Variants in CCDC149 observed in about 807,000 individuals in gnomAD.
CCDC149 encodes the protein coiled-coil domain containing 149.
In CCDC149, 45 loss-of-function variants were observed where a neutral mutation model predicts 59.9. The observed-to-expected ratio is 0.75, with a 90% CI of 0.59 to 0.96. The LOEUF is 0.96. Among genes scored for constraint, CCDC149 ranks in the 40% least tolerant of loss-of-function variants. CCDC149 has a pLI of 0.00. For synonymous variants in CCDC149, 245 were observed against 260.6 expected, an observed-to-expected ratio of 0.94 and a Z score of 0.58; for missense variants, 584 against 664.7, an observed-to-expected ratio of 0.88 and a Z score of 1.33.
chr4:24,978,996 G>A (rs756780666), intron 1 of CCDC149, among the ~76,000 whole-genome samples: 1 of 152,202 alleles, frequency 6.6e-6, no homozygotes, highest in Non-Finnish European at 1.5e-5. Flanking sequence ...GAGAAGGACT[G>A]CATGCAAATG....
At chr4:24,873,146 A>T (rs1577434733) in intron 3 of CCDC149, among the ~76,000 whole-genome samples, 1 of 151,870 alleles carries the variant, frequency 6.6e-6, no homozygotes, top group East Asian at 2.0e-4. Flanking sequence ...ACAGAATGGT[A>T]TGTACCCACA....
At chr4:24,864,314 A>AATTATTCC (rs1368674227) in intron 3 of CCDC149, among the ~76,000 whole-genome samples, 1 of 152,154 alleles carries the variant, frequency 6.6e-6, no homozygotes, top group Non-Finnish European at 1.5e-5. Context: ...CAGTTTCCCT[A>AATTATTCC]ATTATTCCTG....
intron 7 of CCDC149, among the ~76,000 whole-genome samples, chr4:24,835,434 A>C (rs1716453511): frequency 6.6e-6 from 1 of 152,210 alleles, no homozygotes; most frequent in South Asian, 2.1e-4. Context: ...GGAAGAAAAG[A>C]GAGCCATGAT....
intron 1 of CCDC149, among the ~76,000 whole-genome samples, chr4:24,905,414 CGTGTGTGTGTGTGTGT>C (rs1163234474): frequency 1.3e-5 from 1 of 78,652 alleles, no homozygotes; most frequent in African/African-American, 4.7e-5. Flanking sequence ...TGCGTGCGTG[CGTGTGTGTGTGTGTGT>C]GTGTGTGTGT....
At chr4:24,927,330 A>G (rs1207287184) in intron 1 of CCDC149, among the ~76,000 whole-genome samples, 1 of 152,242 alleles carries the variant, frequency 6.6e-6, no homozygotes, top group East Asian at 1.9e-4. Context: ...ATCTTACGTT[A>G]TTAAAAAGAA....
At chr4:24,918,008 G>T (rs985527858), upstream of CCDC149, among the ~76,000 whole-genome samples, 1 of 151,874 alleles carries the variant, frequency 6.6e-6, no homozygotes, top group Non-Finnish European at 1.5e-5. Context: ...TCTCCTGCAG[G>T]CCAGAAGAGG....
At chr4:24,889,942 G>A (rs537022437) in intron 1 of CCDC149, among the ~76,000 whole-genome samples, 2 of 152,252 alleles carry the variant, frequency 1.3e-5, no homozygotes, top group Admixed American at 6.5e-5. Flanking sequence ...GAGGCAAAGG[G>A]GACCTGTAAT....
intron 1 of CCDC149, among the ~76,000 whole-genome samples, chr4:24,951,019 G>A (rs1291433701): frequency 6.6e-6 from 1 of 152,158 alleles, no homozygotes; most frequent in Admixed American, 6.6e-5. Flanking sequence ...ACCCCTTTAG[G>A]TTAAAAAGCA....
intron 12 of CCDC149, among the ~76,000 whole-genome samples, chr4:24,809,953 GC>G (rs1714488109): frequency 6.6e-6 from 1 of 152,178 alleles, no homozygotes; most frequent in East Asian, 1.9e-4. Flanking sequence ...TTCTGCTGGA[GC>G]CTTGTCACTT....
rs377438836 is a variant in CCDC149 at position 24,838,218 on chromosome 4, G to A, written c.427C>T (p.Arg143Ter). The A allele has an allele frequency of 3.7e-6, 6 of 1,614,004 alleles. No homozygotes were observed. Among genetic ancestry groups the A allele is most frequent in the Non-Finnish European group, 5.1e-6 (6 of 1,180,024 alleles). Reference sequence around the variant, plus strand: ...TCACGCTCATGGGCTGCAAAGTGTCGCACGCCGATTGCTTCGTCTCCGAGC... The same window carrying A: ...TCACGCTCATGGGCTGCAAAGTGTCACACGCCGATTGCTTCGTCTCCGAGC... Residue 143 changes from arginine to a stop codon, truncating the protein, a stop_gained, in exon 5 of 13, where the codon CGA becomes TGA. Coordinates refer to ENST00000635206, the MANE Select transcript of CCDC149 (RefSeq NM_001330643.2). LOFTEE classifies it high-confidence loss of function.
Position 24,808,572 on chromosome 4 carries a change from ACT to A in CCDC149, c.1438_1439del (p.Pro481HisfsTer7). On this transcript the variant is annotated frameshift_variant, in exon 13 of 13. Transcript: ENST00000635206. LOFTEE classifies it low-confidence loss of function (END_TRUNC). ...TCTCACTCCTCTGACCTTCTATGGG[ACT>A]CTCTCTTCTGACCTCTTCCAGTTCT... 6.4e-7 allele frequency: 1 copy of A among 1,550,722 alleles called. No homozygotes were observed. Among genetic ancestry groups the A allele is most frequent in the Non-Finnish European group, 8.7e-7 (1 of 1,146,748 alleles).
chr4:24,847,872 TG>T, intron 4 of CCDC149, among the ~76,000 whole-genome samples: 1 of 152,320 alleles, frequency 6.6e-6, no homozygotes, highest in East Asian at 1.9e-4. Flanking sequence ...TTTGGTAACC[TG>T]ACATTTGTCA....
At chr4:24,935,247 T>TAA (rs1213980787) in intron 1 of CCDC149, among the ~76,000 whole-genome samples, 1 of 152,146 alleles carries the variant, frequency 6.6e-6, no homozygotes, top group Non-Finnish European at 1.5e-5. Context: ...AATTCAAACT[T>TAA]ACTTCAATAT....
intron 1 of CCDC149, among the ~76,000 whole-genome samples, chr4:24,945,338 A>C (rs1265951033): frequency 6.6e-6 from 1 of 152,240 alleles, no homozygotes; most frequent in Non-Finnish European, 1.5e-5. Context: ...CCTTATAAAG[A>C]GAGGAGAAGA....
chr4:24,903,980 A>G (rs1010560615), intron 1 of CCDC149, among the ~76,000 whole-genome samples: 10 of 151,862 alleles, frequency 6.6e-5, no homozygotes, highest in African/African-American at 1.9e-4. Context: ...TTGTATTTTT[A>G]GTAGAGACTG....
At chr4:24,963,671 G>T (rs1304290045) in intron 1 of CCDC149, among the ~76,000 whole-genome samples, 1 of 152,146 alleles carries the variant, frequency 6.6e-6, no homozygotes, top group Non-Finnish European at 1.5e-5. Context: ...GCCCAGCAGG[G>T]AGTTGCATGC....
In CCDC149 at chr4:24,819,886, T is replaced by C. The variant is rs1715260825; in HGVS notation, c.1165A>G (p.Thr389Ala). 7 of 1,551,542 alleles carry C rather than the reference T, an allele frequency of 4.5e-6. No homozygotes were observed. The highest frequency in any genetic ancestry group is 6.1e-6 in the Non-Finnish European group (7 of 1,146,944). Reference sequence around the variant, plus strand: ...TCCTTGGGATCTGCTTTGTTCTCAGTGGGCTGCTCGACAAACTTCAGCAGT... The same window carrying C: ...TCCTTGGGATCTGCTTTGTTCTCAGCGGGCTGCTCGACAAACTTCAGCAGT... Residue 389 changes from threonine (T) to alanine (A), a missense_variant, in exon 12 of 13, where the codon ACT (threonine) becomes GCT (alanine). Thr to Ala is a moderately conservative substitution (Grantham distance 58). Coordinates refer to ENST00000635206, the MANE Select transcript of CCDC149 (RefSeq NM_001330643.2).
intron 1 of CCDC149, among the ~76,000 whole-genome samples, chr4:24,880,930 C>A (rs990288518): frequency 1.3e-5 from 2 of 152,156 alleles, no homozygotes; most frequent in African/African-American, 2.4e-5. Flanking sequence ...GAGGAACCCA[C>A]GATTTCAACA....
chr4:24,911,108 G>A (rs181404574), intron 1 of CCDC149, among the ~76,000 whole-genome samples: 2 of 152,150 alleles, frequency 1.3e-5, no homozygotes, highest in East Asian at 1.9e-4. Context: ...AGCATTTTTC[G>A]AGCACCTGCT....
Sources: allele counts gnomAD v4.1 joint callset (sites outside exome capture counted in the v4.1 genomes callset), GRCh38; gene constraint gnomAD v4.1.1; transcripts MANE v1.5; gene names NCBI Gene and HGNC (gene_info 2026-07-23, HGNC 2026-07-21).